Variants in RAB3IP observed in about 807,000 individuals in gnomAD.
The protein encoded by RAB3IP is RAB3A interacting protein.
Under a neutral mutation model 59.1 loss-of-function variants are expected in RAB3IP, and 36 were observed. The observed-to-expected ratio is 0.61, with a 90% confidence interval of 0.47 to 0.80. The LOEUF (loss-of-function observed/expected upper bound fraction) is 0.80, where lower values mean the gene tolerates loss of function less well. RAB3IP is among the 30% of genes least tolerant of loss of function. RAB3IP has a pLI of 0.00. For missense variants in RAB3IP, 511 were observed against 536.0 expected, an observed-to-expected ratio of 0.95 and a Z score of 0.46; for synonymous variants, 207 against 191.2, an observed-to-expected ratio of 1.08 and a Z score of -0.68.
chr12:69,755,356 T>C lies in RAB3IP; in HGVS notation c.-25-28T>C, dbSNP rs201669573. 422 of 1,563,892 alleles carry C rather than the reference T, an allele frequency of 2.7e-4. 1 individual carries two copies. The highest frequency in any genetic ancestry group is 6.8e-4 in the Middle Eastern group (4 of 5,852). On this transcript the variant is annotated intron_variant, in intron 1 of 10. Coordinates refer to ENST00000247833, the MANE Select transcript of RAB3IP (RefSeq NM_022456.5). ...AGTTTTAAATGTTATTATCTAAAAA[T>C]AAGTATCTGCTTTTTGTTTTAACAT...
At chr12:69,739,769 C>A in intron 1 of RAB3IP, 2 of 1,564,822 alleles carry the variant, frequency 1.3e-6, no homozygotes, top group African/African-American at 1.4e-5. Context: ...CCCGACCGCC[C>A]AGGAAGCGCG....
At chr12:69,762,927 C>T (rs150223643) in intron 3 of RAB3IP, among the ~76,000 whole-genome samples, 19 of 150,848 alleles carry the variant, frequency 1.3e-4, no homozygotes, top group African/African-American at 4.7e-4. Context: ...TAGCCAAAGA[C>T]ATTTGTAAAC....
At chr12:69,766,151 G>C (rs998317561) in intron 3 of RAB3IP, among the ~76,000 whole-genome samples, 7 of 152,106 alleles carry the variant, frequency 4.6e-5, no homozygotes, top group African/African-American at 1.7e-4. Flanking sequence ...TCTTCATTTT[G>C]GATAGTATCT....
At chr12:69,789,545 T>G (rs1020842391) in intron 4 of RAB3IP, among the ~76,000 whole-genome samples, 2 of 152,098 alleles carry the variant, frequency 1.3e-5, no homozygotes, top group Admixed American at 6.6e-5. Flanking sequence ...CTTTTTACAC[T>G]CTTACAAAAA....
chr12:69,756,788 C>T lies in RAB3IP; in HGVS notation c.510+125C>T, dbSNP rs866058898. The T allele has an allele frequency of 2.9e-4, 221 of 774,908 alleles. No individual in the cohort carries two copies. The African/African-American group carries it at 3.6e-3, about 13-fold the overall frequency. The allele number at this position is 774,908 out of a possible 1,614,324, so 48.0% of individuals were successfully genotyped here. On this transcript the variant is annotated intron_variant, in intron 3 of 10. Coordinates refer to ENST00000247833, the MANE Select transcript of RAB3IP (RefSeq NM_022456.5). ...ACATTTATCCGTCACATATGCCCAGCCTCAGCTCCTGTTAGGCAGCATTTA... is the reference window on the plus strand; with the variant it reads ...ACATTTATCCGTCACATATGCCCAGTCTCAGCTCCTGTTAGGCAGCATTTA...
At chr12:69,786,967 A>C (rs2136210816) in intron 4 of RAB3IP, among the ~76,000 whole-genome samples, 1 of 152,300 alleles carries the variant, frequency 6.6e-6, no homozygotes, top group East Asian at 1.9e-4. Context: ...CGAACCAATT[A>C]TTTATGAATC....
chr12:69,794,489 A>G lies in RAB3IP; in HGVS notation c.659A>G (p.Lys220Arg). Residue 220 changes from lysine (K) to arginine (R), a missense_variant, in exon 5 of 11, where the codon AAA (lysine) becomes AGA (arginine). Coordinates refer to ENST00000247833, the MANE Select transcript of RAB3IP (RefSeq NM_022456.5). ...EANIKQATAE[K>R]QLKEAQGKID... Reference sequence around the variant, plus strand: ...AATATCAAGCAGGCAACAGCAGAAAAACAGCTAAAAGAAGCACAAGGAAAA... The same window carrying G: ...AATATCAAGCAGGCAACAGCAGAAAGACAGCTAAAAGAAGCACAAGGAAAA... The G allele has an allele frequency of 6.2e-7, 1 of 1,613,186 alleles. No homozygotes were observed. The highest frequency in any genetic ancestry group is 8.5e-7 in the Non-Finnish European group (1 of 1,179,546).
chr12:69,799,613 A>G (rs73132919), intron 6 of RAB3IP, among the ~76,000 whole-genome samples: 23,120 of 151,992 alleles, frequency 0.15, 2,657 homozygotes, highest in East Asian at 0.41. Flanking sequence ...GGCTTTACGT[A>G]TTCTTTTTTT....
chr12:69,794,543 A>C, intron 5 of RAB3IP, 29 bp downstream of exon 5: 2 of 1,553,076 alleles, frequency 1.3e-6, no homozygotes, highest in African/African-American at 1.4e-5. Context: ...TAATAGTATA[A>C]AATAAATTTG....
chr12:69,765,978 A>G (rs191040660), intron 3 of RAB3IP, among the ~76,000 whole-genome samples: 6 of 152,308 alleles, frequency 3.9e-5, no homozygotes, highest in Admixed American at 2.6e-4. Context: ...TCCCCAATCT[A>G]TCCTGGCTTG....
At chr12:69,810,133 G>C (rs941760939) in intron 8 of RAB3IP, among the ~76,000 whole-genome samples, 1 of 152,204 alleles carries the variant, frequency 6.6e-6, no homozygotes, top group African/African-American at 2.4e-5. Context: ...ACCCTCAGCT[G>C]CAGGTCTGTT....
intron 10 of RAB3IP, among the ~76,000 whole-genome samples, chr12:69,813,757 T>G (rs1026308549): frequency 6.6e-6 from 1 of 152,030 alleles, no homozygotes; most frequent in Non-Finnish European, 1.5e-5. Context: ...GTATTTAAAG[T>G]TTTACAAAAT....
chr12:69,779,417 A>C (rs962284060), intron 3 of RAB3IP, among the ~76,000 whole-genome samples: 4 of 151,936 alleles, frequency 2.6e-5, no homozygotes, highest in Non-Finnish European at 2.9e-5. Flanking sequence ...AGCTGTTCCT[A>C]TTCGGCCATC....
Position 69,822,494 on chromosome 12 carries a change from G to A in RAB3IP, c.*7048G>A, listed in dbSNP as rs1008373437. On this transcript the variant is annotated 3_prime_UTR_variant, in exon 11 of 11. Transcript: ENST00000247833. ...CATTCAGAATCTACCACTATAGGTA[G>A]TGAATACAACAGGATAGCAGAGGCT... 3 of 144,478 alleles carry A rather than the reference G, an allele frequency of 2.1e-5. No individual in the cohort carries two copies. In the Admixed American group the frequency reaches 2.1e-4, roughly 10 times the overall value. The allele number at this position is 144,478 out of a possible 1,614,324, so 8.9% of individuals were successfully genotyped here.
intron 6 of RAB3IP, among the ~76,000 whole-genome samples, chr12:69,798,151 G>GTGT (rs1418192364): frequency 2.0e-5 from 3 of 152,172 alleles, no homozygotes; most frequent in Admixed American, 1.3e-4. Flanking sequence ...CAGTGTAAAA[G>GTGT]TGTTCCTATT....
intron 2 of RAB3IP, 123 bp from the exon 3 acceptor site, chr12:69,756,282 A>C: frequency 1.1e-6 from 1 of 937,404 alleles, no homozygotes; most frequent in African/African-American, 1.7e-5. Context: ...GACTGAGGAC[A>C]TACTATTTAT....
chr12:69,746,804 G>A (rs11177824), intron 1 of RAB3IP, among the ~76,000 whole-genome samples: 4 of 152,220 alleles, frequency 2.6e-5, no homozygotes, highest in African/African-American at 9.6e-5. Context: ...TTTAATCTCA[G>A]AAACTGTTTC....
At chr12:69,806,756 T>C (rs1016612792) in intron 8 of RAB3IP, among the ~76,000 whole-genome samples, 5 of 152,092 alleles carry the variant, frequency 3.3e-5, no homozygotes, top group African/African-American at 1.2e-4. Context: ...CCCTGGGTAC[T>C]TGAGATTAGG....
chr12:69,741,632 A>C (rs1887354954), intron 1 of RAB3IP, among the ~76,000 whole-genome samples: 1 of 152,214 alleles, frequency 6.6e-6, no homozygotes, highest in South Asian at 2.1e-4. Flanking sequence ...CGAGGAGATA[A>C]TACTTTATCC....
Sources: allele counts gnomAD v4.1 joint callset (sites outside exome capture counted in the v4.1 genomes callset), GRCh38; gene constraint gnomAD v4.1.1; transcripts MANE v1.5; gene names NCBI Gene and HGNC (gene_info 2026-07-23, HGNC 2026-07-21).